Variants in SP100 observed in about 807,000 individuals in gnomAD.
The protein encoded by SP100 is nuclear autoantigen Sp-100.
SP100 carries 84 observed loss-of-function variants against 130.0 expected under a neutral mutation model. The ratio of observed to expected loss-of-function variants is 0.65; its 90% CI spans 0.54 to 0.77. The LOEUF is 0.77. Ranked by LOEUF, SP100 falls within the 30% of genes least tolerant of loss-of-function variation. SP100 has a pLI of 0.00. For synonymous variants in SP100, 331 were observed against 351.7 expected (o/e 0.94, Z 0.66); for missense variants, 978 against 1,052.2 (o/e 0.93, Z 0.97).
At chr2:230,490,957 T>C (rs2066361184) in intron 17 of SP100, among the ~76,000 whole-genome samples, 1 of 152,148 alleles carries the variant, frequency 6.6e-6, no homozygotes, top group Non-Finnish European at 1.5e-5. Context: ...TGTCTTGGGA[T>C]TGATCTTCTC....
At chr2:230,536,794 C>T (rs1054055468) in intron 24 of SP100, among the ~76,000 whole-genome samples, 19 of 60,708 alleles carry the variant, frequency 3.1e-4, no homozygotes, top group Non-Finnish European at 7.7e-4. Context: ...TGGCTTTCTG[C>T]GTGGCAAGCA....
intron 24 of SP100, among the ~76,000 whole-genome samples, chr2:230,528,925 G>A (rs529186949): frequency 2.9e-4 from 44 of 152,286 alleles, no homozygotes; most frequent in Middle Eastern, 6.8e-3. Context: ...CTGAAATTGA[G>A]GCAATAATTA....
At chr2:230,463,991 T>G in intron 10 of SP100, 76 bp from the exon 11 acceptor site, 1 of 987,350 alleles carries the variant, frequency 1.0e-6, no homozygotes, top group Non-Finnish European at 1.6e-6. Context: ...CAGGTTTTCT[T>G]ATTAGGGAAT....
At chr2:230,464,186 A>C (rs1403460228) in intron 11 of SP100, 36 bp downstream of exon 11, 1 of 1,252,874 alleles carries the variant, frequency 8.0e-7, no homozygotes, top group South Asian at 1.2e-5. Context: ...AGACTGTAGA[A>C]TATCCAGAGT....
At chr2:230,502,772 A>G (rs1184443483) in intron 19 of SP100, among the ~76,000 whole-genome samples, 1 of 152,230 alleles carries the variant, frequency 6.6e-6, no homozygotes, top group East Asian at 1.9e-4. Flanking sequence ...TATGACCTAC[A>G]GGGCAAATCT....
intron 2 of SP100, among the ~76,000 whole-genome samples, chr2:230,431,534 G>T (rs1017382435): frequency 4.6e-5 from 7 of 152,190 alleles, no homozygotes; most frequent in Admixed American, 4.6e-4. Context: ...AGGCATCCTT[G>T]TCTATGGATA....
intron 8 of SP100, among the ~76,000 whole-genome samples, chr2:230,453,118 C>T (rs1443367689): frequency 6.6e-6 from 1 of 152,158 alleles, no homozygotes; most frequent in African/African-American, 2.4e-5. Context: ...AACTTACGAT[C>T]ATGGCAGAAA....
intron 2 of SP100, among the ~76,000 whole-genome samples, chr2:230,438,639 G>GTATATA (rs142300655): frequency 0.019 from 2,499 of 135,054 alleles, 78 homozygotes; most frequent in African/African-American, 0.057. Context: ...ACTCCATGGT[G>GTATATA]TATATATATA....
In SP100 at chr2:230,483,766, C is replaced by T. The variant is rs116599366; in HGVS notation, c.1600+9319C>T. Among the ~76,000 whole-genome samples, 1,336 of 152,234 alleles carry T rather than the reference C, an allele frequency of 8.8e-3. 10 individuals are homozygous for T. The highest frequency in any genetic ancestry group is 0.014 in the Non-Finnish European group (945 of 68,014). On this transcript the variant is annotated intron_variant, in intron 17 of 28. Coordinates refer to ENST00000340126, the MANE Select transcript of SP100 (RefSeq NM_001080391.2). ...CATATACACATATACAGTCAATTCT[C>T]ATTATTCCTGATAGTTATATTCTAT... is the stretch of plus-strand genomic sequence containing the variant.
intron 24 of SP100, among the ~76,000 whole-genome samples, chr2:230,518,037 C>T (rs1346317953): frequency 1.3e-5 from 2 of 151,960 alleles, no homozygotes; most frequent in African/African-American, 2.4e-5. Context: ...AGACTGTTTG[C>T]GAAACGCTTG....
chr2:230,475,456 GT>G (rs2065493866), intron 17 of SP100, among the ~76,000 whole-genome samples: 1 of 152,098 alleles, frequency 6.6e-6, no homozygotes, highest in Non-Finnish European at 1.5e-5. Context: ...TATATGCACA[GT>G]TTGCAAAAAT....
intron 24 of SP100, chr2:230,515,658 T>C: frequency 6.3e-7 from 1 of 1,584,832 alleles, no homozygotes; most frequent in East Asian, 2.2e-5. Flanking sequence ...CTAGTGCAGT[T>C]TTTTTCTTGT....
chr2:230,466,972 A>T, intron 12 of SP100, 148 bp from the exon 13 acceptor site: 1 of 570,954 alleles, frequency 1.8e-6, no homozygotes, highest in Admixed American at 2.7e-5. Context: ...GAAAAGGCAG[A>T]TCATGGAGGT....
chr2:230,485,485 C>CAT (rs1488985041), intron 17 of SP100, among the ~76,000 whole-genome samples: 2 of 152,062 alleles, frequency 1.3e-5, no homozygotes, highest in African/African-American at 4.8e-5. Flanking sequence ...TTGGGTCTTC[C>CAT]ATCCTTTTCT....
intron 23 of SP100, 152 bp downstream of exon 23, chr2:230,508,183 A>T (rs922756358): frequency 7.6e-7 from 1 of 1,322,246 alleles, no homozygotes; most frequent in Non-Finnish European, 1.0e-6. Context: ...AACATTATTC[A>T]ATGTATAAGT....
At position 230,540,895 on chromosome 2, in the gene SP100, T is replaced by C. The variant is rs367794617; in HGVS notation, c.2230T>C (p.Phe744Leu). The C allele has an allele frequency of 1.7e-5, 28 of 1,612,574 alleles. No individual in the cohort carries two copies. The highest frequency in any genetic ancestry group is 2.4e-5 in the Non-Finnish European group (28 of 1,178,984). ...EANKNPWSCI[F>L]CRIKTIQERC... ...TCTCAGGAACCCGTGGAGTTGCATC[T>C]TCTGCAGGATAAAGACTATTCAGGA... Residue 744 changes from phenylalanine to leucine, a missense_variant, in exon 26 of 29, where the codon TTC (phenylalanine) becomes CTC (leucine). Coordinates refer to ENST00000340126, the MANE Select transcript of SP100 (RefSeq NM_001080391.2).
At chr2:230,452,795 G>A (rs1382057597) in intron 8 of SP100, among the ~76,000 whole-genome samples, 2 of 145,032 alleles carry the variant, frequency 1.4e-5, no homozygotes, top group Admixed American at 6.9e-5. Context: ...CCACTTTACT[G>A]AATTTGTTTA....
intron 24 of SP100, among the ~76,000 whole-genome samples, chr2:230,524,362 A>AC (rs1427657503): frequency 1.3e-5 from 2 of 149,738 alleles, no homozygotes; most frequent in Non-Finnish European, 3.0e-5. Flanking sequence ...ATCTCAAAAA[A>AC]AAAAAAAAAG....
intron 24 of SP100, chr2:230,515,733 G>C (rs1690881854): frequency 6.6e-7 from 1 of 1,517,366 alleles, no homozygotes; most frequent in Admixed American, 2.3e-5. Flanking sequence ...TTCAACGTAA[G>C]ACTGTGTAAG....
Sources: allele counts gnomAD v4.1 joint callset (sites outside exome capture counted in the v4.1 genomes callset), GRCh38; gene constraint gnomAD v4.1.1; transcripts MANE v1.5; gene names NCBI Gene and HGNC (gene_info 2026-07-23, HGNC 2026-07-21).